TNFRSF10B: variants seen among roughly 807,000 people sequenced by gnomAD.
TNFRSF10B encodes TNF receptor superfamily member 10b, also known as tumor necrosis factor receptor superfamily member 10B.
TNFRSF10B carries 35 observed loss-of-function variants against 41.4 expected under a neutral mutation model. The ratio of observed to expected loss-of-function variants is 0.85; its 90% CI spans 0.65 to 1.12. The LOEUF is 1.12. TNFRSF10B is among the 50% of genes most tolerant of loss of function. The pLI, the probability that TNFRSF10B is intolerant of heterozygous loss-of-function variation, is 0.00. For synonymous variants in TNFRSF10B, 230 were observed against 215.5 expected (o/e 1.07, Z -0.59); for missense variants, 584 against 552.7 (o/e 1.06, Z -0.57).
chr8:23,020,495 C>A lies in TNFRSF10B; in HGVS notation c.*2176G>T. ...TCACCTGAGGTCAGGAGTTCGAGAC[C>A]AGCCTGACCAACATGGTGAAACCCC... is the stretch of plus-strand genomic sequence containing the variant. On this transcript the variant is annotated 3_prime_UTR_variant, in exon 9 of 9. Coordinates refer to ENST00000276431, the MANE Select transcript of TNFRSF10B (RefSeq NM_003842.5). 2.2e-6 allele frequency: 1 copy of A among 452,770 alleles called. No individual in the cohort carries two copies. Among genetic ancestry groups the A allele is most frequent in the South Asian group, 1.6e-5 (1 of 64,454 alleles). 28.0% of individuals were successfully genotyped at this position (452,770 alleles called of 1,614,324 possible). A position where few individuals can be genotyped will look rare whatever the true frequency, so the allele number is the denominator to read the frequency against.
chr8:23,048,073 T>A (rs1041191157), intron 1 of TNFRSF10B, among the ~76,000 whole-genome samples: 2 of 152,174 alleles, frequency 1.3e-5, no homozygotes, highest in African/African-American at 4.8e-5. Flanking sequence ...GGAATTGGAA[T>A]ACATCATGCT....
rs184982993 is a variant in TNFRSF10B, at chr8:23,022,545, G to A, written c.*126C>T. 3 of 993,242 alleles carry A rather than the reference G, an allele frequency of 3.0e-6. No homozygotes were observed. The highest frequency in any genetic ancestry group is 3.1e-6 in the Non-Finnish European group (2 of 643,232). 61.5% of individuals were successfully genotyped at this position (993,242 alleles called of 1,614,324 possible). ...TCCATCCACTGGGTGATGTTGGATG[G>A]GAGAGTTTCTTCCAGTACCGGTCAT... is the stretch of plus-strand genomic sequence containing the variant. On this transcript the variant is annotated 3_prime_UTR_variant, in exon 9 of 9. Coordinates refer to ENST00000276431, the MANE Select transcript of TNFRSF10B (RefSeq NM_003842.5).
At position 23,027,139 on chromosome 8, in the gene TNFRSF10B, A is replaced by T. The variant is rs1205065449; in HGVS notation, c.930T>A (p.His310Gln). 1.2e-6 allele frequency: 2 copies of T among 1,613,926 alleles called. No individual in the cohort carries two copies. The highest frequency in any genetic ancestry group is 1.1e-5 in the South Asian group (1 of 91,080). Residue 310 changes from histidine (H) to glutamine (Q), a missense_variant, in exon 7 of 9, where the codon CAT becomes CAA. Coordinates refer to ENST00000276431, the MANE Select transcript of TNFRSF10B (RefSeq NM_003842.5). ...TGATCTGTCCCCCACTCACCAGCAG[A>T]TGCTCTGACTCCCCGGGGGACAACA... ...VNMLSPGESE[H>Q]LLEPAEAERS...
At chr8:23,065,640 T>G (rs1348529308) in intron 1 of TNFRSF10B, among the ~76,000 whole-genome samples, 1 of 152,130 alleles carries the variant, frequency 6.6e-6, no homozygotes, top group African/African-American at 2.4e-5. Flanking sequence ...AGCCCCTGAA[T>G]AAGGCAACTG....
At position 23,021,429 on chromosome 8, in the gene TNFRSF10B, C is replaced by A. The variant is rs1251048812; in HGVS notation, c.*1242G>T. On this transcript the variant is annotated 3_prime_UTR_variant, in exon 9 of 9. Transcript: ENST00000276431. The stretch of plus-strand genomic sequence containing the variant: ...GATGGCAACCATTTCACACCATTCT[C>A]AAGCACCATCTACTCTTCCCCCTTG... 6.6e-6 allele frequency: 3 copies of A among 454,038 alleles called. No homozygotes were observed. Among genetic ancestry groups the A allele is most frequent in the Non-Finnish European group, 4.4e-6 (1 of 226,806 alleles). The allele number at this position is 454,038 out of a possible 1,614,324, so 28.1% of individuals were successfully genotyped here. A position where few individuals can be genotyped will look rare whatever the true frequency, so the allele number is the denominator to read the frequency against.
intron 1 of TNFRSF10B, among the ~76,000 whole-genome samples, chr8:23,055,739 C>T (rs553107151): frequency 1.1e-4 from 17 of 152,224 alleles, no homozygotes; most frequent in South Asian, 1.0e-3. Flanking sequence ...TTTGAAGGAA[C>T]TCCCCAAACC....
At chr8:23,053,497 G>T (rs779949822) in intron 1 of TNFRSF10B, among the ~76,000 whole-genome samples, 48 of 152,176 alleles carry the variant, frequency 3.2e-4, no homozygotes, top group African/African-American at 1.2e-3. Context: ...AAAAATGAAA[G>T]TTTAAGCAAG....
chr8:23,024,446 A>G (rs957068469), intron 7 of TNFRSF10B, among the ~76,000 whole-genome samples, 186 bp from the exon 8 acceptor site: 3 of 152,166 alleles, frequency 2.0e-5, no homozygotes, highest in Non-Finnish European at 2.9e-5. Context: ...ACAGCAGTCA[A>G]TATTTTAGAT....
chr8:23,033,206 A>C (rs973103025), intron 2 of TNFRSF10B, among the ~76,000 whole-genome samples: 7 of 152,228 alleles, frequency 4.6e-5, no homozygotes, highest in African/African-American at 1.4e-4. Context: ...TTACTAGTAG[A>C]TCTGCCCTGT....
chr8:23,035,756 A>G (rs1812013836), intron 2 of TNFRSF10B, among the ~76,000 whole-genome samples: 1 of 152,190 alleles, frequency 6.6e-6, no homozygotes, highest in South Asian at 2.1e-4. Flanking sequence ...CCACCTCCCT[A>G]CAACCAAGAA....
intron 2 of TNFRSF10B, 114 bp from the exon 3 acceptor site, chr8:23,030,986 T>C (rs1811867266): frequency 1.3e-6 from 1 of 746,392 alleles, no homozygotes; most frequent in Non-Finnish European, 2.3e-6. Context: ...GAGGGAAATC[T>C]CCTCTACCTA....
rs778704344 is a variant in TNFRSF10B at position 23,022,074 on chromosome 8, C to T, written c.*597G>A. On this transcript the variant is annotated 3_prime_UTR_variant, in exon 9 of 9. Coordinates refer to ENST00000276431, the MANE Select transcript of TNFRSF10B (RefSeq NM_003842.5). Reference sequence around the variant, plus strand: ...AGGAATTCGAGACCACCCTGAGCAACATAGAGAGCCCCTATATCTAGACAA... The same window carrying T: ...AGGAATTCGAGACCACCCTGAGCAATATAGAGAGCCCCTATATCTAGACAA... The T allele has an allele frequency of 6.9e-6, 3 of 436,260 alleles. No homozygotes were observed. Among genetic ancestry groups the T allele is most frequent in the Non-Finnish European group, 9.1e-6 (2 of 218,952 alleles). The allele number at this position is 436,260 out of a possible 1,614,324, so 27.0% of individuals were successfully genotyped here.
chr8:23,038,818 C>T (rs758545980), intron 2 of TNFRSF10B, among the ~76,000 whole-genome samples: 35 of 152,012 alleles, frequency 2.3e-4, no homozygotes, highest in African/African-American at 7.3e-4. Flanking sequence ...CTCTCTAGAG[C>T]AGGGGTCTCC....
chr8:23,068,002 G>A (rs11135694), intron 1 of TNFRSF10B, among the ~76,000 whole-genome samples: 104,412 of 152,168 alleles, frequency 0.69, 36,467 homozygotes, highest in East Asian at 0.91. Context: ...CCATTATCAC[G>A]GATACTTGCC....
intron 1 of TNFRSF10B, 149 bp downstream of exon 1, chr8:23,068,602 C>T (rs1442745713): frequency 5.4e-6 from 7 of 1,302,726 alleles, no homozygotes; most frequent in Non-Finnish European, 7.2e-6. Context: ...CATCTCTTCC[C>T]CCGACTCCGA....
chr8:23,066,488 A>T (rs1357583711), intron 1 of TNFRSF10B, among the ~76,000 whole-genome samples: 1 of 152,228 alleles, frequency 6.6e-6, no homozygotes, highest in African/African-American at 2.4e-5. Context: ...GATGGGGGAA[A>T]AAAAAGAACA....
chr8:23,049,187 T>G (rs528778893), intron 1 of TNFRSF10B, among the ~76,000 whole-genome samples: 1 of 152,302 alleles, frequency 6.6e-6, no homozygotes, highest in East Asian at 1.9e-4. Context: ...CCATCACAAC[T>G]GTGTCAGTAC....
rs772050830 is a variant in TNFRSF10B at position 23,022,820 on chromosome 8, TG to T, written c.1173del (p.Asn391LysfsTer33). 12 of 1,613,896 alleles carry T rather than the reference TG, an allele frequency of 7.4e-6. No homozygotes were observed. The highest frequency in any genetic ancestry group is 1.0e-5 in the Non-Finnish European group (12 of 1,179,938). On this transcript the variant is annotated frameshift_variant, in exon 9 of 9. Coordinates refer to ENST00000276431, the MANE Select transcript of TNFRSF10B (RefSeq NM_003842.5). LOFTEE classifies it low-confidence loss of function (END_TRUNC). ...TLYTMLIKWVNKTGRDASVHT... is the reference protein window; with the variant it reads ...TLYTMLIKWVXKTGRDASVHT... Reference sequence around the variant, plus strand: ...TGGACAGAGGCATCTCGCCCGGTTTTGTTGACCCACTTTATCAGCATCGTGT... The same window carrying T: ...TGGACAGAGGCATCTCGCCCGGTTTTTTGACCCACTTTATCAGCATCGTGT...
At position 23,029,642 on chromosome 8, in the gene TNFRSF10B, ATCT is replaced by A. The variant is rs1355846216; in HGVS notation, c.441_443del (p.Glu147del). ...GGCACTTCCGGCACATCTCAGGAGA[ATCT>A]TCTTCCCGGAAGGTGCCTTCTTCGC... On this transcript the variant is annotated inframe_deletion, in exon 4 of 9. Transcript: ENST00000276431. 8 of 1,613,122 alleles carry A rather than the reference ATCT, an allele frequency of 5.0e-6. No individual in the cohort carries two copies. In the African/African-American group the frequency reaches 5.3e-5, roughly 11 times the overall value.
Sources: allele counts gnomAD v4.1 joint callset (sites outside exome capture counted in the v4.1 genomes callset), GRCh38; gene constraint gnomAD v4.1.1; transcripts MANE v1.5; gene names NCBI Gene and HGNC (gene_info 2026-07-23, HGNC 2026-07-21).